STON2: variants seen among roughly 807,000 people sequenced by gnomAD.
The protein encoded by STON2 is stonin 2.
STON2 carries 29 observed loss-of-function variants against 65.7 expected under a neutral mutation model. The ratio of observed to expected loss-of-function variants is 0.44; its 90% CI spans 0.33 to 0.60. The LOEUF (loss-of-function observed/expected upper bound fraction) is 0.60, where lower values mean the gene tolerates loss of function less well. Among genes scored for constraint, STON2 ranks in the 20% least tolerant of loss-of-function variants. The pLI is 0.03. For synonymous variants in STON2, 404 were observed against 414.2 expected, an observed-to-expected ratio of 0.98 and a Z score of 0.30; for missense variants, 1,054 against 1,118.1, an observed-to-expected ratio of 0.94 and a Z score of 0.82.
At chr14:81,311,156 G>A (rs1488217420) in intron 5 of STON2, among the ~76,000 whole-genome samples, 1 of 152,004 alleles carries the variant, frequency 6.6e-6, no homozygotes, top group African/African-American at 2.4e-5. Flanking sequence ...ATTCTTTTTT[G>A]TATTGCACCT....
chr14:81,408,157 A>ACACGCGCGCG (rs147841517), intron 2 of STON2, among the ~76,000 whole-genome samples: 1 of 150,410 alleles, frequency 6.6e-6, no homozygotes, highest in Non-Finnish European at 1.5e-5. Flanking sequence ...ACACACACAC[A>ACACGCGCGCG]CGCGCACACA....
At chr14:81,354,242 A>G (rs1346680209) in intron 4 of STON2, among the ~76,000 whole-genome samples, 1 of 152,190 alleles carries the variant, frequency 6.6e-6, no homozygotes, top group African/African-American at 2.4e-5. Context: ...CAGATACTGG[A>G]GCCCAGCCAG....
chr14:81,380,434 T>C (rs1899458092), intron 3 of STON2, among the ~76,000 whole-genome samples: 1 of 152,212 alleles, frequency 6.6e-6, no homozygotes, highest in African/African-American at 2.4e-5. Flanking sequence ...AGTCTGAAGA[T>C]TTCTCAAAGA....
chr14:81,433,013 CCCAGA>C (rs1419924028), intron 1 of STON2, among the ~76,000 whole-genome samples: 1 of 152,202 alleles, frequency 6.6e-6, no homozygotes, highest in Non-Finnish European at 1.5e-5. Context: ...ATTTCCAGGC[CCCAGA>C]CCAGACTGAC....
intron 4 of STON2, among the ~76,000 whole-genome samples, chr14:81,342,644 G>A (rs1332898930): frequency 1.3e-5 from 2 of 152,122 alleles, no homozygotes; most frequent in East Asian, 1.9e-4. Context: ...ATAAGTCTAG[G>A]GGCACACAAG....
At chr14:81,362,663 TAAG>T (rs2140343569) in intron 4 of STON2, among the ~76,000 whole-genome samples, 2 of 152,318 alleles carry the variant, frequency 1.3e-5, no homozygotes, top group East Asian at 3.9e-4. Flanking sequence ...ACAAAAATAA[TAAG>T]TATTTAAGGT....
intron 7 of STON2, 39 bp downstream of exon 7, chr14:81,270,631 T>TG: frequency 6.2e-7 from 1 of 1,614,000 alleles, no homozygotes; most frequent in African/African-American, 1.3e-5. Context: ...GGTGAACAAA[T>TG]GGAGTTGGAA....
chr14:81,315,123 C>T (rs796186687), intron 5 of STON2, among the ~76,000 whole-genome samples: 69 of 152,338 alleles, frequency 4.5e-4, no homozygotes, highest in Non-Finnish European at 6.2e-4. Flanking sequence ...CTGGTCCATT[C>T]TGGCACCTCC....
chr14:81,263,762 C>T lies in STON2; in HGVS notation c.*4652G>A. 1.0e-6 allele frequency: 1 copy of T among 985,334 alleles called. No individual in the cohort carries two copies. Among genetic ancestry groups the T allele is most frequent in the South Asian group, 4.7e-5 (1 of 21,288 alleles). The allele number at this position is 985,334 out of a possible 1,614,324, so 61.0% of individuals were successfully genotyped here. On this transcript the variant is annotated 3_prime_UTR_variant, in exon 8 of 8. Transcript: ENST00000614646. ...AGAAGAGTTAAAGTTACCACTCGAA[C>T]TGGGAGCATTTCTATAAGCAGGCTG...
intron 5 of STON2, among the ~76,000 whole-genome samples, chr14:81,290,584 C>G (rs1595300470): frequency 6.6e-6 from 1 of 152,142 alleles, no homozygotes; most frequent in African/African-American, 2.4e-5. Flanking sequence ...AGGGTGCATA[C>G]AGTCAGCTGA....
chr14:81,290,872 C>A (rs1480604817), intron 5 of STON2, among the ~76,000 whole-genome samples: 1 of 152,100 alleles, frequency 6.6e-6, no homozygotes, highest in African/African-American at 2.4e-5. Flanking sequence ...ATGGTAGATG[C>A]AGTTTATAAA....
intron 4 of STON2, among the ~76,000 whole-genome samples, chr14:81,347,615 T>TAAAAAAAAA (rs55784716): frequency 1.4e-5 from 1 of 72,624 alleles, no homozygotes; most frequent in Non-Finnish European, 2.5e-5. Flanking sequence ...AAGAAGACAG[T>TAAAAAAAAA]AAAAAAAAAA....
chr14:81,400,619 CA>C (rs972025078), upstream of STON2, among the ~76,000 whole-genome samples: 4 of 151,616 alleles, frequency 2.6e-5, no homozygotes, highest in South Asian at 2.1e-4. Context: ...GGGAAGAGAA[CA>C]GGGGACGAAG....
At chr14:81,415,570 T>C (rs1330378649) in intron 2 of STON2, among the ~76,000 whole-genome samples, 1 of 147,420 alleles carries the variant, frequency 6.8e-6, no homozygotes, top group Admixed American at 7.0e-5. Flanking sequence ...CTCGGGAGGC[T>C]GAGGCAGGAG....
chr14:81,384,395 C>T (rs1899685399), intron 3 of STON2, among the ~76,000 whole-genome samples: 1 of 151,954 alleles, frequency 6.6e-6, no homozygotes, highest in Admixed American at 6.6e-5. Context: ...TTACAGGCGC[C>T]CGGCTAATTT....
chr14:81,320,758 G>A (rs80236237), intron 5 of STON2, among the ~76,000 whole-genome samples: 8,011 of 152,114 alleles, frequency 0.053, 451 homozygotes, highest in African/African-American at 0.14. Flanking sequence ...AGGTCTCTGC[G>A]ATGTCTCTTC....
At chr14:81,339,600 C>G (rs1216287422) in intron 4 of STON2, among the ~76,000 whole-genome samples, 1 of 152,182 alleles carries the variant, frequency 6.6e-6, no homozygotes, top group Non-Finnish European at 1.5e-5. Context: ...AGCATAGCCC[C>G]TGTTCAATCT....
chr14:81,390,342 C>T (rs181039897), intron 3 of STON2, among the ~76,000 whole-genome samples: 147 of 152,310 alleles, frequency 9.7e-4, no homozygotes, highest in Non-Finnish European at 1.9e-3. Flanking sequence ...CTGCTCAATT[C>T]TGAGCACTGC....
At chr14:81,341,192 A>G (rs1469431898) in intron 4 of STON2, among the ~76,000 whole-genome samples, 1 of 152,174 alleles carries the variant, frequency 6.6e-6, no homozygotes, top group Non-Finnish European at 1.5e-5. Flanking sequence ...TCTTAGGCCA[A>G]GTTCACAGTT....
Sources: gnomAD v4.1 joint callset for allele counts (sites outside exome capture counted in the v4.1 genomes callset) on GRCh38, gnomAD v4.1.1 for gene constraint, MANE v1.5 for transcripts, NCBI Gene and HGNC (gene_info 2026-07-23, HGNC 2026-07-21) for gene names.